RBFOX1: variants seen among roughly 807,000 people sequenced by gnomAD.
The protein encoded by RBFOX1 is RNA binding fox-1 homolog 1, also known as RNA binding protein fox-1 homolog 1.
RBFOX1 carries 8 observed loss-of-function variants against 57.7 expected under a neutral mutation model. The observed-to-expected ratio is 0.14, with a 90% CI of 0.08 to 0.25. RBFOX1 has a LOEUF of 0.25. RBFOX1 is among the 10% of genes least tolerant of loss of function. The pLI, the probability that RBFOX1 is intolerant of heterozygous loss-of-function variation, is 1.00. For synonymous variants in RBFOX1, 326 were observed against 222.4 expected, an observed-to-expected ratio of 1.47 and a Z score of -4.15; for missense variants, 611 against 548.5, an observed-to-expected ratio of 1.11 and a Z score of -1.14.
intron 2 of RBFOX1, among the ~76,000 whole-genome samples, chr16:6,446,504 A>G (rs1293747149): frequency 6.6e-6 from 1 of 152,178 alleles, no homozygotes; most frequent in Admixed American, 6.5e-5. Flanking sequence ...GGAGTATGTT[A>G]TTTATTTACT....
intron 4 of RBFOX1, among the ~76,000 whole-genome samples, chr16:7,094,095 T>G (rs1236638127): frequency 6.6e-6 from 1 of 150,920 alleles, no homozygotes; most frequent in Non-Finnish European, 1.5e-5. Context: ...GAAATAGCCC[T>G]TCTCTTCTTC....
intron 4 of RBFOX1, among the ~76,000 whole-genome samples, chr16:7,232,343 G>C (rs2093549088): frequency 6.6e-6 from 1 of 152,120 alleles, no homozygotes; most frequent in African/African-American, 2.4e-5. Context: ...TAACTTGCTT[G>C]AGCTATGTGT....
intron 2 of RBFOX1, among the ~76,000 whole-genome samples, chr16:5,509,258 T>C (rs543170583): frequency 6.6e-6 from 1 of 152,188 alleles, no homozygotes; most frequent in South Asian, 2.1e-4. Flanking sequence ...GAGAGATGAA[T>C]TGGCAATGAT....
In RBFOX1 at chr16:6,568,842, C is replaced by T. The variant is rs536684587; in HGVS notation, c.-63-85761C>T. 5.3e-5 allele frequency among the ~76,000 whole-genome samples: 8 copies of T among 152,220 alleles called. No individual in the cohort carries two copies. In the East Asian group the frequency reaches 1.5e-3, roughly 29 times the overall value. On this transcript the variant is annotated intron_variant, in intron 2 of 15. Coordinates refer to ENST00000550418, the MANE Select transcript of RBFOX1 (RefSeq NM_018723.4). ...GGAGTGCAGTGGCGCGATCTCGGCT[C>T]ACTGCAACCTCCGCCTCCTGGGTTT...
chr16:7,668,928 G>A (rs986185936), intron 13 of RBFOX1, among the ~76,000 whole-genome samples: 4 of 152,076 alleles, frequency 2.6e-5, no homozygotes, highest in African/African-American at 9.7e-5. Flanking sequence ...TTTTGAGGTG[G>A]AATCTCGCTC....
At chr16:6,507,274 C>A (rs1270294568) in intron 2 of RBFOX1, among the ~76,000 whole-genome samples, 2 of 152,054 alleles carry the variant, frequency 1.3e-5, no homozygotes, top group African/African-American at 4.8e-5. Context: ...CACCCATTTT[C>A]ATAGCAGCAT....
chr16:6,208,800 G>C (rs2097272686), intron 1 of RBFOX1, among the ~76,000 whole-genome samples: 1 of 152,154 alleles, frequency 6.6e-6, no homozygotes, highest in South Asian at 2.1e-4. Flanking sequence ...TCAAGGCAAG[G>C]ATTGATGTGA....
intron 3 of RBFOX1, among the ~76,000 whole-genome samples, chr16:6,854,982 A>G (rs1035091460): frequency 6.6e-6 from 1 of 151,888 alleles, no homozygotes; most frequent in Non-Finnish European, 1.5e-5. Context: ...TGCTTGGACT[A>G]ATCTTTGGTG....
chr16:6,748,729 T>C (rs551436184), intron 3 of RBFOX1, among the ~76,000 whole-genome samples: 4 of 152,310 alleles, frequency 2.6e-5, no homozygotes, highest in South Asian at 2.1e-4. Context: ...AGAAGTTATT[T>C]GGAGTATATA....
chr16:6,511,066 G>A (rs909154361), intron 2 of RBFOX1, among the ~76,000 whole-genome samples: 1 of 152,148 alleles, frequency 6.6e-6, no homozygotes, highest in Non-Finnish European at 1.5e-5. Context: ...CAAGCATCCA[G>A]GACCATTGAG....
intron 3 of RBFOX1, among the ~76,000 whole-genome samples, chr16:6,915,409 T>A (rs2072882932): frequency 6.6e-6 from 1 of 152,206 alleles, no homozygotes; most frequent in Non-Finnish European, 1.5e-5. Context: ...CTGAACTGTT[T>A]AATAAATCCA....
In RBFOX1 at chr16:6,973,857, T is replaced by G. The variant is rs137873578; in HGVS notation, c.-15-78200T>G. Among the ~76,000 whole-genome samples the G allele has an allele frequency of 6.7e-3, 1,026 of 152,226 alleles. 13 individuals carry two copies. Among genetic ancestry groups the G allele is most frequent in the African/African-American group, 0.023 (968 of 41,532 alleles). ...ACAGGTAAACGTGTGCCATGGTGGT[T>G]TACTGTGCCTGTCAAGCTGTCATCA... On this transcript the variant is annotated intron_variant, in intron 3 of 15. Transcript: ENST00000550418.
At chr16:6,911,214 AAAAAG>A (rs1202851335) in intron 3 of RBFOX1, among the ~76,000 whole-genome samples, 1 of 152,046 alleles carries the variant, frequency 6.6e-6, no homozygotes, top group African/African-American at 2.4e-5. Flanking sequence ...AAAAAAAAAA[AAAAAG>A]CAAACTGAAG....
chr16:6,462,865 C>G (rs914044697), intron 2 of RBFOX1, among the ~76,000 whole-genome samples: 3 of 152,192 alleles, frequency 2.0e-5, no homozygotes, highest in African/African-American at 7.2e-5. Flanking sequence ...TACACAAAAT[C>G]TTTCCTCTTA....
At chr16:5,683,288 C>T (rs950256121) in intron 3 of RBFOX1, among the ~76,000 whole-genome samples, 1 of 152,116 alleles carries the variant, frequency 6.6e-6, no homozygotes, top group East Asian at 1.9e-4. Flanking sequence ...CTTGCCAATG[C>T]CCAGGTTTAA....
At chr16:6,443,782 C>G (rs992889335) in intron 2 of RBFOX1, among the ~76,000 whole-genome samples, 1 of 152,144 alleles carries the variant, frequency 6.6e-6, no homozygotes, top group Non-Finnish European at 1.5e-5. Flanking sequence ...TACCCACAAT[C>G]TACCTGCCAG....
chr16:6,626,158 C>G (rs1397639678), intron 2 of RBFOX1, among the ~76,000 whole-genome samples: 1 of 147,758 alleles, frequency 6.8e-6, no homozygotes, highest in Non-Finnish European at 1.5e-5. Flanking sequence ...TTTTTTTTTC[C>G]CAAATTGCAT....
chr16:7,320,273 C>A (rs1172645273), intron 4 of RBFOX1, among the ~76,000 whole-genome samples: 2 of 152,070 alleles, frequency 1.3e-5, no homozygotes, highest in African/African-American at 4.8e-5. Flanking sequence ...GTTTCCCTCC[C>A]TGTATCCATG....
chr16:7,046,539 G>C (rs889394506), intron 3 of RBFOX1, among the ~76,000 whole-genome samples: 1 of 145,174 alleles, frequency 6.9e-6, no homozygotes, highest in African/African-American at 2.7e-5. Context: ...CCTCAATAAA[G>C]ATGGGAGATA....
Sources: gnomAD v4.1 joint callset for allele counts (sites outside exome capture counted in the v4.1 genomes callset) on GRCh38, gnomAD v4.1.1 for gene constraint, MANE v1.5 for transcripts, NCBI Gene and HGNC (gene_info 2026-07-23, HGNC 2026-07-21) for gene names.